Variants in ELMO1 observed in about 807,000 individuals in gnomAD.
ELMO1 encodes engulfment and cell motility protein 1.
ELMO1 carries 26 observed loss-of-function variants against 98.9 expected under a neutral mutation model. The ratio of observed to expected loss-of-function variants is 0.26; its 90% CI spans 0.19 to 0.36. ELMO1 has a LOEUF of 0.36. ELMO1 is among the 10% of genes least tolerant of loss of function. The pLI, the probability that ELMO1 is intolerant of heterozygous loss-of-function variation, is 1.00. For synonymous variants in ELMO1, 346 were observed against 346.0 expected (o/e 1.00, Z 0.00); for missense variants, 627 against 935.2 (o/e 0.67, Z 4.30).
chr7:37,000,938 T>TAC (rs145766627), intron 16 of ELMO1, among the ~76,000 whole-genome samples: 9,057 of 147,434 alleles, frequency 0.061, 298 homozygotes, highest in African/African-American at 0.086. Context: ...TATATGTGTA[T>TAC]ACACACACAC....
chr7:37,412,951 TG>T (rs978749352), intron 1 of ELMO1, among the ~76,000 whole-genome samples: 2 of 152,202 alleles, frequency 1.3e-5, no homozygotes, highest in African/African-American at 4.8e-5. Flanking sequence ...AGCTGACATC[TG>T]ACCACCACTT....
chr7:37,063,246 C>G (rs1037281735), intron 15 of ELMO1, among the ~76,000 whole-genome samples: 1 of 152,156 alleles, frequency 6.6e-6, no homozygotes, highest in Non-Finnish European at 1.5e-5. Flanking sequence ...TACACCTGGA[C>G]CAAGTATGAC....
intron 15 of ELMO1, among the ~76,000 whole-genome samples, chr7:37,061,826 C>A (rs780714615): frequency 1.3e-5 from 2 of 152,180 alleles, no homozygotes; most frequent in Non-Finnish European, 2.9e-5. Flanking sequence ...TAATTGCCAA[C>A]CTAAAAGGTT....
intron 16 of ELMO1, among the ~76,000 whole-genome samples, chr7:36,945,048 G>A (rs915312106): frequency 1.1e-4 from 17 of 152,172 alleles, no homozygotes; most frequent in Non-Finnish European, 1.9e-4. Flanking sequence ...ACTCTCCGGG[G>A]ATAAGGCTAA....
intron 9 of ELMO1, 24 bp from the exon 10 acceptor site, chr7:37,222,717 G>A: frequency 6.2e-7 from 1 of 1,607,486 alleles, no homozygotes; most frequent in Non-Finnish European, 8.5e-7. Context: ...GAACAATTCA[G>A]AAAATCAGAA....
intron 21 of ELMO1, among the ~76,000 whole-genome samples, chr7:36,856,458 T>C (rs1802204336): frequency 6.6e-6 from 1 of 152,226 alleles, no homozygotes; most frequent in South Asian, 2.1e-4. Flanking sequence ...AAGGTTTCTT[T>C]TCACCAGGTC....
intron 1 of ELMO1, among the ~76,000 whole-genome samples, chr7:37,423,417 T>G (rs1804567015): frequency 6.6e-6 from 1 of 152,096 alleles, no homozygotes; most frequent in South Asian, 2.1e-4. Flanking sequence ...CCATCTCTAC[T>G]AAAAATACAA....
intron 15 of ELMO1, among the ~76,000 whole-genome samples, chr7:37,016,128 C>G (rs17170832): frequency 0.049 from 7,428 of 152,038 alleles, 601 homozygotes; most frequent in African/African-American, 0.17. Context: ...ATTTTTGGAT[C>G]TAGTGTGATT....
intron 16 of ELMO1, among the ~76,000 whole-genome samples, chr7:36,974,930 A>G (rs151151514): frequency 4.6e-5 from 7 of 151,880 alleles, no homozygotes; most frequent in Admixed American, 2.6e-4. Flanking sequence ...CTGCAACTTC[A>G]CTCCTGAGCC....
chr7:37,244,836 A>C (rs574008896), intron 6 of ELMO1, among the ~76,000 whole-genome samples: 1 of 152,302 alleles, frequency 6.6e-6, no homozygotes, highest in South Asian at 2.1e-4. Context: ...TTTCTCTCTC[A>C]GGTGGCTTCT....
At chr7:37,031,626 GCT>G (rs1794887939) in intron 15 of ELMO1, among the ~76,000 whole-genome samples, 1 of 152,032 alleles carries the variant, frequency 6.6e-6, no homozygotes, top group African/African-American at 2.4e-5. Context: ...CTTTTCCAAT[GCT>G]CTGTTTGCTT....
At chr7:36,984,889 T>C (rs573395928) in intron 16 of ELMO1, 1 of 985,220 alleles carries the variant, frequency 1.0e-6, no homozygotes, top group Admixed American at 6.1e-5. Context: ...GCCCCCACTC[T>C]CTGCAACCCA....
intron 15 of ELMO1, among the ~76,000 whole-genome samples, chr7:37,063,876 G>A (rs894359069): frequency 6.6e-6 from 1 of 152,100 alleles, no homozygotes; most frequent in African/African-American, 2.4e-5. Flanking sequence ...GGGCAAAACC[G>A]CAAGTTCAAC....
intron 21 of ELMO1, among the ~76,000 whole-genome samples, chr7:36,857,874 T>A (rs1562774632): frequency 6.6e-6 from 1 of 152,050 alleles, no homozygotes; most frequent in Non-Finnish European, 1.5e-5. Context: ...AACATAAAGA[T>A]AAACCTGGAA....
At position 37,096,734 on chromosome 7, in the gene ELMO1, T is replaced by C; in HGVS notation, c.1192-7A>G. The stretch of plus-strand genomic sequence containing the variant: ...TACTGTTCTCAAGCACAATCTGTAA[T>C]GGGAAAGGGAACAGATTAGAAAGGA... On this transcript the variant is annotated splice_polypyrimidine_tract_variant and splice_region_variant and intron_variant, in intron 14 of 21. Transcript: ENST00000310758. The C allele has an allele frequency of 1.2e-6, 2 of 1,611,402 alleles. No homozygotes were observed. The highest frequency in any genetic ancestry group is 2.2e-5 in the East Asian group (1 of 44,846).
intron 1 of ELMO1, among the ~76,000 whole-genome samples, chr7:37,413,829 C>T (rs1467104074): frequency 6.6e-6 from 1 of 152,100 alleles, no homozygotes; most frequent in African/African-American, 2.4e-5. Flanking sequence ...AGGCGCACAC[C>T]ACCACGTCTG....
intron 7 of ELMO1, 68 bp downstream of exon 7, chr7:37,244,288 C>A: frequency 1.3e-6 from 2 of 1,517,886 alleles, no homozygotes; most frequent in Non-Finnish European, 9.0e-7. Context: ...AGTCAGATGA[C>A]AGGGCTCAAT....
At chr7:37,011,948 A>G (rs544455802) in intron 16 of ELMO1, among the ~76,000 whole-genome samples, 7 of 152,292 alleles carry the variant, frequency 4.6e-5, no homozygotes, top group Admixed American at 1.3e-4. Flanking sequence ...TAAGGAAATT[A>G]ATGGGCTTCT....
intron 16 of ELMO1, among the ~76,000 whole-genome samples, chr7:37,005,644 A>T (rs1281947747): frequency 6.9e-6 from 1 of 143,950 alleles, no homozygotes; most frequent in Non-Finnish European, 1.5e-5. Context: ...GTGAGCCGAG[A>T]CTGTGCCATG....
Sources: gnomAD v4.1 joint callset for allele counts (sites outside exome capture counted in the v4.1 genomes callset) on GRCh38, gnomAD v4.1.1 for gene constraint, MANE v1.5 for transcripts, NCBI Gene and HGNC (gene_info 2026-07-23, HGNC 2026-07-21) for gene names.